The following DPYS variants were observed in gnomAD, a reference collection of about 807,000 sequenced individuals.
The protein encoded by DPYS is dihydropyrimidinase, also known as dihydropyrimidine amidohydrolase.
A neutral mutation model predicts 50.3 loss-of-function variants in DPYS; 39 were observed. The ratio of observed to expected loss-of-function variants is 0.78; its 90% confidence interval spans 0.60 to 1.01. DPYS has a LOEUF of 1.01. DPYS is among the 50% of genes least tolerant of loss of function. The pLI is 0.00. For synonymous variants in DPYS, 245 were observed against 250.7 expected (o/e 0.98, Z 0.22); for missense variants, 659 against 680.9 (o/e 0.97, Z 0.36).
chr8:104,448,986 C>G (rs1004141117), intron 2 of DPYS, among the ~76,000 whole-genome samples: 1 of 152,174 alleles, frequency 6.6e-6, no homozygotes, highest in Non-Finnish European at 1.5e-5. Flanking sequence ...TTGTCCACTG[C>G]TGTATCCTAG....
chr8:104,465,648 T>A (rs960649913), intron 1 of DPYS, among the ~76,000 whole-genome samples: 2 of 152,102 alleles, frequency 1.3e-5, no homozygotes, highest in Non-Finnish European at 2.9e-5. Context: ...GGGCCACACA[T>A]GAAATATACT....
At chr8:104,427,416 T>C (rs1437398037) in intron 6 of DPYS, among the ~76,000 whole-genome samples, 1 of 151,200 alleles carries the variant, frequency 6.6e-6, no homozygotes, top group Non-Finnish European at 1.5e-5. Context: ...GTAGCTGGGA[T>C]TACAGCCACG....
intron 1 of DPYS, among the ~76,000 whole-genome samples, chr8:104,463,560 C>A (rs1433936612): frequency 1.3e-5 from 2 of 152,146 alleles, no homozygotes; most frequent in African/African-American, 4.8e-5. Context: ...TGAGTTACAG[C>A]CCTAGGTGTA....
intron 7 of DPYS, among the ~76,000 whole-genome samples, chr8:104,396,401 T>C (rs1308420287): frequency 3.9e-5 from 6 of 152,204 alleles, no homozygotes; most frequent in Non-Finnish European, 8.8e-5. Context: ...CTGAAGCTCT[T>C]AGGGAAAACA....
At chr8:104,413,214 A>G (rs186092573) in intron 7 of DPYS, among the ~76,000 whole-genome samples, 1 of 152,244 alleles carries the variant, frequency 6.6e-6, no homozygotes, top group Non-Finnish European at 1.5e-5. Flanking sequence ...CAGTGAAAAT[A>G]AAAAAACCAC....
At chr8:104,394,379 C>A (rs1299280665) in intron 7 of DPYS, among the ~76,000 whole-genome samples, 4 of 152,158 alleles carry the variant, frequency 2.6e-5, no homozygotes, top group Admixed American at 2.6e-4. Context: ...CTGACCACAA[C>A]CCACCCACTC....
chr8:104,466,864 G>A lies in DPYS; in HGVS notation c.57C>T (p.Phe19=), dbSNP rs746389159. 34 of 1,526,116 alleles carry A rather than the reference G, an allele frequency of 2.2e-5. 1 individual carries two copies. The South Asian group carries it at 2.8e-4, about 12-fold the overall frequency. 94.5% of individuals were successfully genotyped at this position (1,526,116 alleles called of 1,614,324 possible). The stretch of plus-strand genomic sequence containing the variant: ...CCACCAGCACGTCGGCCACCTCCGA[G>A]AAGTCATCGTTGACCACGCGACCCC... ...IRGGRVVNDD[F]SEVADVLVED... The change falls in exon 1 of 10, where the codon TTC becomes TTT. Residue 19 remains phenylalanine, a synonymous_variant. Coordinates refer to ENST00000351513, the MANE Select transcript of DPYS (RefSeq NM_001385.3).
At chr8:104,406,145 T>C (rs879887797) in intron 7 of DPYS, among the ~76,000 whole-genome samples, 1 of 152,106 alleles carries the variant, frequency 6.6e-6, no homozygotes, top group Non-Finnish European at 1.5e-5. Context: ...GTGCTGTAAA[T>C]GGCCCCTCCT....
chr8:104,463,206 G>A (rs535256938), intron 1 of DPYS, among the ~76,000 whole-genome samples: 59 of 152,136 alleles, frequency 3.9e-4, no homozygotes, highest in African/African-American at 1.3e-3. Flanking sequence ...TGCTTTTTCT[G>A]TACTTAAGGT....
At chr8:104,461,563 A>C (rs868146954) in intron 1 of DPYS, among the ~76,000 whole-genome samples, 9 of 152,304 alleles carry the variant, frequency 5.9e-5, no homozygotes, top group Middle Eastern at 3.4e-3. Flanking sequence ...TATATAGTGG[A>C]TAAACACTGG....
chr8:104,381,286 G>A lies in DPYS; in HGVS notation c.1472C>T (p.Ala491Val), dbSNP rs746696482. 12 of 1,614,036 alleles carry A rather than the reference G, an allele frequency of 7.4e-6. No homozygotes were observed. Among genetic ancestry groups the A allele is most frequent in the South Asian group, 2.2e-5 (2 of 91,086 alleles). ...RTCTPTPVERAPYKGEVATLK... is the reference protein window; with the variant it reads ...RTCTPTPVERVPYKGEVATLK... Reference sequence around the variant, plus strand: ...TGTGGCGACTTCTCCCTTATAGGGTGCACGCTCCACAGGGGTAGGTGTGCA... The same window carrying A: ...TGTGGCGACTTCTCCCTTATAGGGTACACGCTCCACAGGGGTAGGTGTGCA... The change falls in exon 9 of 10, where the codon GCA (alanine) becomes GTA (valine). Residue 491 changes from alanine (A) to valine (V), a missense_variant. Physicochemically the swap from Ala to Val is moderately conservative, Grantham distance 64. Transcript: ENST00000351513.
chr8:104,440,626 G>C (rs964416518), intron 4 of DPYS, among the ~76,000 whole-genome samples: 6 of 152,122 alleles, frequency 3.9e-5, no homozygotes, highest in African/African-American at 1.4e-4. Context: ...GGGCATAGTA[G>C]TGGGAGCCTG....
intron 7 of DPYS, among the ~76,000 whole-genome samples, chr8:104,398,412 C>T (rs1249918046): frequency 6.6e-6 from 1 of 152,242 alleles, no homozygotes; most frequent in African/African-American, 2.4e-5. Flanking sequence ...GGGCATCAGT[C>T]CTGGCTGCTC....
At chr8:104,416,530 T>C (rs752900525) in intron 7 of DPYS, among the ~76,000 whole-genome samples, 3 of 152,140 alleles carry the variant, frequency 2.0e-5, no homozygotes, top group Non-Finnish European at 2.9e-5. Context: ...ACTGGGATGC[T>C]TGTGGGTGTG....
intron 2 of DPYS, among the ~76,000 whole-genome samples, chr8:104,448,109 C>A (rs1813603955): frequency 6.6e-6 from 1 of 151,844 alleles, no homozygotes; most frequent in Admixed American, 6.6e-5. Context: ...TTCAGGGTTG[C>A]CAGGGGTCAG....
chr8:104,389,744 T>C (rs1399901848), intron 8 of DPYS, among the ~76,000 whole-genome samples: 1 of 152,152 alleles, frequency 6.6e-6, no homozygotes, highest in Admixed American at 6.5e-5. Context: ...AAATAATGAA[T>C]ATAAACCACT....
At chr8:104,384,715 T>A (rs1389840736) in intron 8 of DPYS, among the ~76,000 whole-genome samples, 1 of 152,140 alleles carries the variant, frequency 6.6e-6, no homozygotes, top group Non-Finnish European at 1.5e-5. Context: ...ATGAATATGG[T>A]GATAATAAAG....
intron 7 of DPYS, among the ~76,000 whole-genome samples, chr8:104,418,084 C>G (rs1048503046): frequency 6.6e-6 from 1 of 152,224 alleles, no homozygotes; most frequent in Non-Finnish European, 1.5e-5. Flanking sequence ...ACGAAAACAT[C>G]TATGTACCAT....
chr8:104,445,869 C>T (rs550716045), intron 3 of DPYS, among the ~76,000 whole-genome samples: 48 of 152,134 alleles, frequency 3.2e-4, no homozygotes, highest in Non-Finnish European at 5.0e-4. Flanking sequence ...CACGGGGAAA[C>T]CCTGTCTCTA....
Sources: allele counts gnomAD v4.1 joint callset (sites outside exome capture counted in the v4.1 genomes callset), GRCh38; gene constraint gnomAD v4.1.1; transcripts MANE v1.5; gene names NCBI Gene and HGNC (gene_info 2026-07-23, HGNC 2026-07-21).